The following KMT5B variants were observed in gnomAD, a reference collection of about 807,000 sequenced individuals.
The protein encoded by KMT5B is histone-lysine N-methyltransferase KMT5B.
A neutral mutation model predicts 83.2 loss-of-function variants in KMT5B; 10 were observed. The ratio of observed to expected loss-of-function variants is 0.12; its 90% CI spans 0.07 to 0.20. KMT5B has a LOEUF of 0.20. Among genes scored for constraint, KMT5B ranks in the 10% least tolerant of loss-of-function variants. KMT5B has a pLI of 1.00. For synonymous variants in KMT5B, 349 were observed against 388.8 expected (o/e 0.90, Z 1.20); for missense variants, 753 against 1,067.2 (o/e 0.71, Z 4.10).
chr11:68,174,287 T>A, intron 5 of KMT5B: 1 of 330,106 alleles, frequency 3.0e-6, no homozygotes, highest in Non-Finnish European at 5.9e-6. Flanking sequence ...GAGTTTTGAA[T>A]GTCACAATTT....
intron 3 of KMT5B, among the ~76,000 whole-genome samples, chr11:68,184,206 C>T (rs1228215870): frequency 3.3e-5 from 5 of 151,658 alleles, no homozygotes; most frequent in Non-Finnish European, 7.4e-5. Flanking sequence ...ACCTCATCTA[C>T]ACTAAAAATA....
Position 68,158,394 on chromosome 11 carries a change from T to C in KMT5B, c.1952A>G (p.Asp651Gly). The change falls in exon 11 of 11, where the codon GAC becomes GGC. Residue 651 changes from aspartate (D) to glycine (G), a missense_variant. Asp to Gly is a moderately conservative substitution (Grantham distance 94). Transcript: ENST00000304363. ...CACAGTGCCACTGTGCTCACCCTGG[T>C]CAGAATGGGGACCCATCAAATCTGG... is the stretch of plus-strand genomic sequence containing the variant. ...AVPDLMGPHS[D>G]QGEHSGTVGV... The C allele has an allele frequency of 6.2e-7, 1 of 1,614,146 alleles. No homozygotes were observed.
chr11:68,197,162 A>G (rs1565253394), intron 1 of KMT5B, among the ~76,000 whole-genome samples: 1 of 151,996 alleles, frequency 6.6e-6, no homozygotes, highest in Non-Finnish European at 1.5e-5. Flanking sequence ...TTTAGTAGAC[A>G]CGGGGTTTCA....
intron 10 of KMT5B, among the ~76,000 whole-genome samples, chr11:68,162,454 G>A (rs1426124991): frequency 6.6e-6 from 1 of 152,144 alleles, no homozygotes; most frequent in African/African-American, 2.4e-5. Context: ...TCATCCCCCT[G>A]TAAGACTCAG....
At position 68,211,381 on chromosome 11, in the gene KMT5B, A is replaced by T. The variant is rs555216362; in HGVS notation, c.-77+1757T>A. ...CGAGAGCACTTGGAAATGATCATGG[A>T]TAAAGAATCAAGCCCTACCCTACTC... is the stretch of plus-strand genomic sequence containing the variant. On this transcript the variant is annotated intron_variant, in intron 1 of 10. Coordinates refer to ENST00000304363, the MANE Select transcript of KMT5B (RefSeq NM_017635.5). 2.9e-4 allele frequency among the ~76,000 whole-genome samples: 44 copies of T among 152,366 alleles called. No homozygotes were observed. In the South Asian group the frequency reaches 8.5e-3, roughly 29 times the overall value.
Position 68,190,159 on chromosome 11 carries a change from GAAACAAAATATGAA to G in KMT5B, c.-76-21_-76-8del. The G allele has an allele frequency of 7.6e-7, 1 of 1,310,908 alleles. No individual in the cohort carries two copies. Among genetic ancestry groups the G allele is most frequent in the Non-Finnish European group, 1.1e-6 (1 of 935,064 alleles). The allele number at this position is 1,310,908 out of a possible 1,614,324, so 81.2% of individuals were successfully genotyped here. Reference sequence around the variant, plus strand: ...ATACTTTCAATGTTCTCTCCTAACAGAAACAAAATATGAAAAACAAAACAAAATGGGGAGATAAA... The same window carrying G: ...ATACTTTCAATGTTCTCTCCTAACAGAAACAAAACAAAATGGGGAGATAAA... On this transcript the variant is annotated splice_polypyrimidine_tract_variant and splice_region_variant and intron_variant, in intron 1 of 10. Transcript: ENST00000304363.
intron 2 of KMT5B, 146 bp downstream of exon 2, chr11:68,189,771 C>CT: frequency 1.5e-5 from 10 of 672,382 alleles, no homozygotes; most frequent in Non-Finnish European, 2.4e-5. Context: ...ATTGACACAA[C>CT]TTTGAGAGTA....
At position 68,167,130 on chromosome 11, in the gene KMT5B, A is replaced by G. The variant is rs780933993; in HGVS notation, c.1026T>C (p.Ala342=). The G allele has an allele frequency of 5.0e-6, 8 of 1,613,860 alleles. No homozygotes were observed. The highest frequency in any genetic ancestry group is 5.9e-6 in the Non-Finnish European group (7 of 1,179,892). The change falls in exon 10 of 11, where the codon GCT becomes GCC. Residue 342 remains alanine (A), a synonymous_variant. Coordinates refer to ENST00000304363, the MANE Select transcript of KMT5B (RefSeq NM_017635.5). ...FKSRVGLPAP[A]PVINSKYGLR... ...GTCCATATTTGCTATTGATAACAGG[A>G]GCAGGCGCAGGCAGTCCCACTCTGG...
chr11:68,186,032 G>GA lies in KMT5B; in HGVS notation c.161-105dup, dbSNP rs1270361459. 1.0e-4 allele frequency: 107 copies of GA among 1,027,232 alleles called. 2 individuals carry two copies. In the South Asian group the frequency reaches 1.9e-3, roughly 18 times the overall value. The allele number at this position is 1,027,232 out of a possible 1,614,324, so 63.6% of individuals were successfully genotyped here. A position where few individuals can be genotyped will look rare whatever the true frequency, so the allele number is the denominator to read the frequency against. ...CCATTCAAGCTGGTAATAAAGAACT[G>GA]AAAAATCAATCATTTTAGTAATTAA... is the stretch of plus-strand genomic sequence containing the variant. On this transcript the variant is annotated intron_variant, in intron 2 of 10. Transcript: ENST00000304363.
intron 1 of KMT5B, among the ~76,000 whole-genome samples, chr11:68,207,069 C>T (rs967313494): frequency 1.3e-5 from 2 of 151,936 alleles, no homozygotes; most frequent in East Asian, 3.9e-4. Flanking sequence ...GGTGAAACCC[C>T]GTCTCCACTA....
chr11:68,155,742 G>C lies in KMT5B; in HGVS notation c.*1946C>G, dbSNP rs1377239181. The C allele has an allele frequency of 1.3e-5, 2 of 152,230 alleles. No individual in the cohort carries two copies. The highest frequency in any genetic ancestry group is 2.4e-5 in the African/African-American group (1 of 41,416). 9.4% of individuals were successfully genotyped at this position (152,230 alleles called of 1,614,324 possible). A position where few individuals can be genotyped will look rare whatever the true frequency, so the allele number is the denominator to read the frequency against. ...TCTGCAAAGTGCTCCGGGTGCCTCGGACAGGTGCTCCTGAGAGGCTGTGTG... is the reference window on the plus strand; with the variant it reads ...TCTGCAAAGTGCTCCGGGTGCCTCGCACAGGTGCTCCTGAGAGGCTGTGTG... On this transcript the variant is annotated 3_prime_UTR_variant, in exon 11 of 11. Coordinates refer to ENST00000304363, the MANE Select transcript of KMT5B (RefSeq NM_017635.5).
rs200658105 is a variant in KMT5B at position 68,191,967 on chromosome 11, G to GT, written c.-76-1816dup. On this transcript the variant is annotated intron_variant, in intron 1 of 10. Transcript: ENST00000304363. ...AAATCTTTTATTCTGTATTTTTACT[G>GT]TATCTTTATGTTTATATATGTTTAG... Among the ~76,000 whole-genome samples, 983 of 152,210 alleles carry GT rather than the reference G, an allele frequency of 6.5e-3. 4 individuals are homozygous for GT. Among genetic ancestry groups the GT allele is most frequent in the Middle Eastern group, 0.017 (5 of 294 alleles).
At chr11:68,165,977 G>A in intron 10 of KMT5B, 2 of 1,612,706 alleles carry the variant, frequency 1.2e-6, no homozygotes, top group Non-Finnish European at 1.7e-6. Context: ...CCCAGTGTTG[G>A]GCTGAAAACA....
chr11:68,183,371 G>T (rs1006268433), intron 3 of KMT5B, among the ~76,000 whole-genome samples: 11 of 151,746 alleles, frequency 7.2e-5, no homozygotes, highest in Non-Finnish European at 1.3e-4. Context: ...TTAGTTTTTT[G>T]TTTTTAGCCG....
chr11:68,209,328 G>A (rs545613938), intron 1 of KMT5B, among the ~76,000 whole-genome samples: 1 of 152,156 alleles, frequency 6.6e-6, no homozygotes, highest in African/African-American at 2.4e-5. Context: ...GTCATGTCCA[G>A]GGAACACTAG....
chr11:68,190,209 A>C (rs1857881867), intron 1 of KMT5B, 57 bp from the exon 2 acceptor site: 1 of 765,364 alleles, frequency 1.3e-6, no homozygotes, highest in Admixed American at 2.2e-5. Flanking sequence ...TACATGAAAG[A>C]TCATGCTAAA....
chr11:68,207,567 C>A (rs1221613011), intron 1 of KMT5B, among the ~76,000 whole-genome samples: 1 of 151,856 alleles, frequency 6.6e-6, no homozygotes, highest in Admixed American at 6.5e-5. Context: ...CCGAGGTGGG[C>A]GGATCACGAG....
At chr11:68,200,925 G>A (rs80146147) in intron 1 of KMT5B, among the ~76,000 whole-genome samples, 3,928 of 152,274 alleles carry the variant, frequency 0.026, 88 homozygotes, top group Non-Finnish European at 0.038. Context: ...AAATCAACAG[G>A]AAGAGTCACC....
At chr11:68,211,909 G>A (rs1233344666) in intron 1 of KMT5B, among the ~76,000 whole-genome samples, 1 of 152,158 alleles carries the variant, frequency 6.6e-6, no homozygotes, top group African/African-American at 2.4e-5. Flanking sequence ...TCTAACCTGG[G>A]AATATAAGGC....
Sources: gnomAD v4.1 joint callset for allele counts (sites outside exome capture counted in the v4.1 genomes callset) on GRCh38, gnomAD v4.1.1 for gene constraint, MANE v1.5 for transcripts, NCBI Gene and HGNC (gene_info 2026-07-23, HGNC 2026-07-21) for gene names.